The following SLC9A9 variants were observed in gnomAD, a reference collection of about 807,000 sequenced individuals.
SLC9A9 encodes the protein solute carrier family 9 member A9.
Under a neutral mutation model 77.8 loss-of-function variants are expected in SLC9A9, and 62 were observed. That is an observed-to-expected ratio of 0.80 (90% CI 0.65 to 0.98). The LOEUF (loss-of-function observed/expected upper bound fraction) is 0.98. Among genes scored for constraint, SLC9A9 ranks in the 50% least tolerant of loss-of-function variants. SLC9A9 has a pLI of 0.00. For synonymous variants in SLC9A9, 320 were observed against 283.5 expected (o/e 1.13, Z -1.29); for missense variants, 775 against 774.9 (o/e 1.00, Z 0.00).
chr3:143,843,530 T>C (rs1049548744), intron 1 of SLC9A9, among the ~76,000 whole-genome samples: 1 of 152,212 alleles, frequency 6.6e-6, no homozygotes, highest in Non-Finnish European at 1.5e-5. Context: ...ACTTAGTGCC[T>C]TGAAATTTGT....
intron 9 of SLC9A9, 109 bp from the exon 10 acceptor site, chr3:143,495,557 G>T: frequency 1.2e-6 from 1 of 835,712 alleles, no homozygotes; most frequent in Non-Finnish European, 2.0e-6. Context: ...TATCTGGAAG[G>T]CCACCCCTTT....
intron 4 of SLC9A9, among the ~76,000 whole-genome samples, chr3:143,714,051 C>T (rs2108798346): frequency 6.6e-6 from 1 of 152,310 alleles, no homozygotes; most frequent in South Asian, 2.1e-4. Context: ...AGAATGACAA[C>T]AGATGAAGTT....
intron 9 of SLC9A9, chr3:143,517,116 G>A (rs2036214235): frequency 1.3e-6 from 2 of 1,527,876 alleles, no homozygotes; most frequent in African/African-American, 1.4e-5. Context: ...TTATCAGAAG[G>A]GCATTACGCT....
chr3:143,746,273 T>C (rs1401692675), intron 4 of SLC9A9, among the ~76,000 whole-genome samples: 1 of 152,148 alleles, frequency 6.6e-6, no homozygotes, highest in Non-Finnish European at 1.5e-5. Context: ...GTTGGGGAAG[T>C]TGGGGAGGAA....
chr3:143,496,434 T>A (rs2035834173), intron 9 of SLC9A9, among the ~76,000 whole-genome samples: 1 of 152,244 alleles, frequency 6.6e-6, no homozygotes, highest in Non-Finnish European at 1.5e-5. Flanking sequence ...AAGGACTCAT[T>A]ATTTTTTCAT....
intron 4 of SLC9A9, among the ~76,000 whole-genome samples, chr3:143,771,122 G>A (rs995584180): frequency 1.3e-5 from 2 of 152,142 alleles, no homozygotes; most frequent in African/African-American, 2.4e-5. Context: ...AGATTAAAAG[G>A]TTTGTAGGAG....
intron 6 of SLC9A9, among the ~76,000 whole-genome samples, chr3:143,597,649 C>T (rs913252428): frequency 5.9e-5 from 9 of 152,212 alleles, no homozygotes; most frequent in Non-Finnish European, 7.3e-5. Flanking sequence ...CCACTCCCCT[C>T]GGACTTCAGC....
At chr3:143,737,487 C>CAAA (rs147108833) in intron 4 of SLC9A9, among the ~76,000 whole-genome samples, 1 of 143,452 alleles carries the variant, frequency 7.0e-6, no homozygotes, top group African/African-American at 2.5e-5. Flanking sequence ...AAAAAAAAAC[C>CAAA]AAAAAAAAAA....
At chr3:143,670,336 G>T (rs577224678) in intron 5 of SLC9A9, among the ~76,000 whole-genome samples, 1 of 152,342 alleles carries the variant, frequency 6.6e-6, no homozygotes, top group Non-Finnish European at 1.5e-5. Flanking sequence ...GATCAAGGGT[G>T]TGCTTTGCAG....
intron 6 of SLC9A9, among the ~76,000 whole-genome samples, chr3:143,591,278 G>A (rs16853883): frequency 0.095 from 14,505 of 152,088 alleles, 1,258 homozygotes; most frequent in African/African-American, 0.23. Context: ...ATTTCACTTC[G>A]GTTCAAGTTA....
At chr3:143,746,586 A>C (rs1398833479) in intron 4 of SLC9A9, among the ~76,000 whole-genome samples, 1 of 152,196 alleles carries the variant, frequency 6.6e-6, no homozygotes, top group African/African-American at 2.4e-5. Flanking sequence ...TTTAGTTGAA[A>C]AGATGAATTG....
At chr3:143,835,259 T>C (rs1220953493) in intron 1 of SLC9A9, among the ~76,000 whole-genome samples, 2 of 152,236 alleles carry the variant, frequency 1.3e-5, no homozygotes, top group African/African-American at 4.8e-5. Flanking sequence ...ATCTGCTTCT[T>C]GGAGGACCCA....
At chr3:143,838,035 T>C (rs1197198773) in intron 1 of SLC9A9, among the ~76,000 whole-genome samples, 3 of 48,972 alleles carry the variant, frequency 6.1e-5, no homozygotes, top group Non-Finnish European at 1.7e-4. Context: ...CTTCCAGTTA[T>C]GGGAGATAAT....
At chr3:143,700,194 A>G (rs911457921) in intron 4 of SLC9A9, among the ~76,000 whole-genome samples, 4 of 152,120 alleles carry the variant, frequency 2.6e-5, no homozygotes, top group Non-Finnish European at 4.4e-5. Flanking sequence ...ATACCCATGT[A>G]GCATGTCATG....
chr3:143,804,561 C>T (rs1356410750), intron 2 of SLC9A9, among the ~76,000 whole-genome samples: 1 of 152,162 alleles, frequency 6.6e-6, no homozygotes, highest in African/African-American at 2.4e-5. Context: ...TCCAGTTTTG[C>T]CTTGCACAAG....
At chr3:143,373,385 A>T (rs578197818) in intron 13 of SLC9A9, among the ~76,000 whole-genome samples, 2 of 152,144 alleles carry the variant, frequency 1.3e-5, no homozygotes, top group Non-Finnish European at 2.9e-5. Context: ...TTACCTATAA[A>T]TGTAAGCTAA....
intron 14 of SLC9A9, among the ~76,000 whole-genome samples, chr3:143,297,391 T>G (rs986929142): frequency 2.4e-4 from 37 of 152,200 alleles, no homozygotes; most frequent in Non-Finnish European, 3.7e-4. Context: ...TTGGTCCATT[T>G]GTTTGTCTAT....
At chr3:143,841,209 C>T (rs1032147276) in intron 1 of SLC9A9, among the ~76,000 whole-genome samples, 2 of 151,710 alleles carry the variant, frequency 1.3e-5, no homozygotes, top group African/African-American at 4.8e-5. Flanking sequence ...TACACACACG[C>T]ACACACACAC....
At chr3:143,684,973 T>G (rs894612750) in intron 5 of SLC9A9, among the ~76,000 whole-genome samples, 1 of 152,150 alleles carries the variant, frequency 6.6e-6, no homozygotes, top group Non-Finnish European at 1.5e-5. Flanking sequence ...TATTTGTATT[T>G]AATACTCAAT....
Sources: allele counts gnomAD v4.1 joint callset (sites outside exome capture counted in the v4.1 genomes callset), GRCh38; gene constraint gnomAD v4.1.1; transcripts MANE v1.5; gene names NCBI Gene and HGNC (gene_info 2026-07-23, HGNC 2026-07-21).